GRM7: variants seen among roughly 807,000 people sequenced by gnomAD.
GRM7 encodes metabotropic glutamate receptor 7.
Under a neutral mutation model 84.5 loss-of-function variants are expected in GRM7, and 35 were observed. That is an observed-to-expected ratio of 0.41 (90% CI 0.32 to 0.55). The LOEUF is 0.55. Among genes scored for constraint, GRM7 ranks in the 20% least tolerant of loss-of-function variants. GRM7 has a pLI of 0.19. For missense variants in GRM7, 1,003 were observed against 1,194.6 expected (o/e 0.84, Z 2.36); for synonymous variants, 487 against 455.1 (o/e 1.07, Z -0.89).
At chr3:7,219,607 C>T (rs563349333) in intron 2 of GRM7, among the ~76,000 whole-genome samples, 69 of 152,206 alleles carry the variant, frequency 4.5e-4, no homozygotes, top group Middle Eastern at 3.4e-3. Context: ...AGCTCAAGTT[C>T]AGTTTAATAT....
chr3:7,415,121 A>G lies in GRM7; in HGVS notation c.1132A>G (p.Ile378Val). 1 of 1,612,472 alleles carries G rather than the reference A, an allele frequency of 6.2e-7. No individual in the cohort carries two copies. The highest frequency in any genetic ancestry group is 8.5e-7 in the Non-Finnish European group (1 of 1,178,598). The change falls in exon 5 of 10, where the codon ATT becomes GTT. Residue 378 changes from isoleucine (I) to valine (V), a missense_variant. Transcript: ENST00000357716. The part of the protein sequence containing the change: ...WEENFNCKLT[I>V]SGSKKEDTDR... ...GGAAAACTTCAACTGCAAGTTGACG[A>G]TTAGTGGGTCAAAAAAAGAAGACAC... is the stretch of plus-strand genomic sequence containing the variant.
intron 1 of GRM7, among the ~76,000 whole-genome samples, chr3:6,953,696 G>A (rs1193337271): frequency 6.6e-6 from 1 of 152,148 alleles, no homozygotes; most frequent in Non-Finnish European, 1.5e-5. Context: ...TAATCTCAGG[G>A]ACTGTGGAGT....
chr3:7,492,887 T>G (rs979079224), intron 7 of GRM7, among the ~76,000 whole-genome samples: 2 of 152,092 alleles, frequency 1.3e-5, no homozygotes, highest in Admixed American at 1.3e-4. Context: ...TTGTTGGTTT[T>G]CATTCACTTC....
rs1696105089 is a variant in GRM7 at position 7,415,054 on chromosome 3, T to C, written c.1065T>C (p.Leu355=). 1 of 1,613,020 alleles carries C rather than the reference T, an allele frequency of 6.2e-7. No individual in the cohort carries two copies. The highest frequency in any genetic ancestry group is 1.3e-5 in the African/African-American group (1 of 74,888). Residue 355 remains leucine (L), a synonymous_variant, in exon 5 of 10, where the codon CTT becomes CTC. Coordinates refer to ENST00000357716, the MANE Select transcript of GRM7 (RefSeq NM_000844.4). ...GFDAYFTSRT[L]ENNRRNVWFA... is the part of the protein sequence containing the mutation. ...ATGCCTACTTTACGTCCCGTACACT[T>C]GAAAACAACAGAAGAAATGTATGGT...
At chr3:7,659,529 C>A (rs1369362261) in intron 8 of GRM7, among the ~76,000 whole-genome samples, 1 of 152,088 alleles carries the variant, frequency 6.6e-6, no homozygotes, top group Admixed American at 6.5e-5. Context: ...ATGAATTCTC[C>A]TCATAGGTTA....
At chr3:7,085,901 G>T in intron 1 of GRM7, among the ~76,000 whole-genome samples, 1 of 152,078 alleles carries the variant, frequency 6.6e-6, no homozygotes, top group East Asian at 1.9e-4. Context: ...ATGAAAATTT[G>T]TGAATAGCTC....
chr3:6,952,125 A>G (rs775311472), intron 1 of GRM7, among the ~76,000 whole-genome samples: 2 of 152,094 alleles, frequency 1.3e-5, no homozygotes, highest in Non-Finnish European at 2.9e-5. Context: ...TTGAGGATGC[A>G]GTGATATTAC....
At chr3:7,681,358 T>A (rs1475080267) in intron 9 of GRM7, 1 of 152,174 alleles carries the variant, frequency 6.6e-6, no homozygotes, top group Non-Finnish European at 1.5e-5. Flanking sequence ...CTTGAAGAAA[T>A]CCTTTTTGCT....
intron 1 of GRM7, among the ~76,000 whole-genome samples, chr3:6,959,384 T>C (rs925858191): frequency 6.6e-5 from 10 of 152,190 alleles, no homozygotes; most frequent in African/African-American, 2.4e-4. Flanking sequence ...CCTTCAAATT[T>C]GGAATTCTTC....
chr3:7,374,792 G>T (rs937979359), intron 4 of GRM7, among the ~76,000 whole-genome samples: 11 of 151,814 alleles, frequency 7.2e-5, no homozygotes, highest in Admixed American at 7.2e-4. Flanking sequence ...TGCCCAGCCG[G>T]TATGAGCTAT....
Position 7,107,465 on chromosome 3 carries a change from C to A in GRM7, c.520-38987C>A, listed in dbSNP as rs189145103. Among the ~76,000 whole-genome samples, 366 of 152,080 alleles carry A rather than the reference C, an allele frequency of 2.4e-3. 1 individual carries two copies. The Middle Eastern group carries it at 0.034, about 14-fold the overall frequency. On this transcript the variant is annotated intron_variant, in intron 1 of 9. Transcript: ENST00000357716. ...AAGTTGACAATTACCATGTACTTTTCTATGAGTAATATAACAAAGATGTGT... is the reference window on the plus strand; with the variant it reads ...AAGTTGACAATTACCATGTACTTTTATATGAGTAATATAACAAAGATGTGT...
chr3:7,012,171 C>T (rs931516113), intron 1 of GRM7, among the ~76,000 whole-genome samples: 1 of 152,058 alleles, frequency 6.6e-6, no homozygotes, highest in Non-Finnish European at 1.5e-5. Context: ...CCAGGAGAAT[C>T]CTGTACATGA....
intron 2 of GRM7, among the ~76,000 whole-genome samples, chr3:7,252,684 T>TTCTTTTCTTTTTTTATTTTCTTTTTTTC (rs6147696): frequency 8.5e-6 from 1 of 118,236 alleles, no homozygotes; most frequent in Non-Finnish European, 1.7e-5. Flanking sequence ...TTCTTTTCTT[T>TTCTTTTCTTTTTTTATTTTCTTTTTTTC]TTTTCTTTTC....
At chr3:7,550,569 C>CTG (rs1455307434) in intron 7 of GRM7, among the ~76,000 whole-genome samples, 251 of 96,770 alleles carry the variant, frequency 2.6e-3, no homozygotes, top group Middle Eastern at 4.5e-3. Flanking sequence ...CTCTCTCTCT[C>CTG]TCTCTCTCTG....
chr3:7,103,498 T>C (rs1165965122), intron 1 of GRM7, among the ~76,000 whole-genome samples: 2 of 151,826 alleles, frequency 1.3e-5, no homozygotes, highest in African/African-American at 4.8e-5. Flanking sequence ...GATTTGAGAT[T>C]GCCAAAATAA....
chr3:6,927,463 G>GAAAGAAAGAA (rs1553595156), intron 1 of GRM7, among the ~76,000 whole-genome samples: 1 of 93,220 alleles, frequency 1.1e-5, no homozygotes, highest in African/African-American at 3.4e-5. Context: ...GAAAGAGAGA[G>GAAAGAAAGAA]AGAAAGAAAG....
At chr3:7,357,043 A>G (rs967972258) in intron 4 of GRM7, among the ~76,000 whole-genome samples, 7 of 149,904 alleles carry the variant, frequency 4.7e-5, no homozygotes, top group African/African-American at 1.7e-4. Flanking sequence ...TATAATATAT[A>G]TGTTCATTTT....
chr3:7,667,362 CGGAT>C (rs1699746415), intron 8 of GRM7, among the ~76,000 whole-genome samples: 4 of 152,006 alleles, frequency 2.6e-5, no homozygotes, highest in Admixed American at 2.6e-4. Flanking sequence ...TGCAGGCACT[CGGAT>C]GGGTGGGCCT....
intron 8 of GRM7, among the ~76,000 whole-genome samples, chr3:7,586,527 G>C (rs929800328): frequency 6.6e-6 from 1 of 152,140 alleles, no homozygotes; most frequent in South Asian, 2.1e-4. Flanking sequence ...AATGGACCAG[G>C]CTGGGCGCAG....
Sources: allele counts gnomAD v4.1 joint callset (sites outside exome capture counted in the v4.1 genomes callset), GRCh38; gene constraint gnomAD v4.1.1; transcripts MANE v1.5; gene names NCBI Gene and HGNC (gene_info 2026-07-23, HGNC 2026-07-21).